Variants in TMEM62 observed in about 807,000 individuals in gnomAD.
TMEM62 encodes the protein transmembrane protein 62.
A neutral mutation model predicts 70.4 loss-of-function variants in TMEM62; 41 were observed. The observed-to-expected ratio is 0.58, with a 90% CI of 0.45 to 0.76. TMEM62 has a LOEUF of 0.76. Among genes scored for constraint, TMEM62 ranks in the 30% least tolerant of loss-of-function variants. TMEM62 has a pLI of 0.00. For missense variants in TMEM62, 688 were observed against 788.5 expected (o/e 0.87, Z 1.53); for synonymous variants, 268 against 291.0 (o/e 0.92, Z 0.80).
Position 43,161,853 on chromosome 15 carries a change from G to A in TMEM62, c.1296+1059G>A, listed in dbSNP as rs181756991. 4.0e-3 allele frequency among the ~76,000 whole-genome samples: 607 copies of A among 152,028 alleles called. 2 individuals carry two copies. Among genetic ancestry groups the A allele is most frequent in the African/African-American group, 0.014 (571 of 41,484 alleles). ...TTTTTTGTATTTTTTTAGTAGAGAC[G>A]GAGTTTCACTGTTGGCCAGGCTGGT... is the stretch of plus-strand genomic sequence containing the variant. On this transcript the variant is annotated intron_variant, in intron 10 of 13. Transcript: ENST00000260403.
At chr15:43,159,971 C>A (rs1377822552) in intron 9 of TMEM62, among the ~76,000 whole-genome samples, 1 of 151,848 alleles carries the variant, frequency 6.6e-6, no homozygotes, top group African/African-American at 2.4e-5. Context: ...AGGTTTTAAT[C>A]TCTTTTTTTG....
chr15:43,134,105 T>G, intron 1 of TMEM62, 123 bp downstream of exon 1: 1 of 1,425,610 alleles, frequency 7.0e-7, no homozygotes, highest in Non-Finnish European at 9.3e-7. Context: ...AACTCGAGGC[T>G]CTGTCTAGTG....
At chr15:43,140,117 G>C (rs1193244255) in intron 4 of TMEM62, among the ~76,000 whole-genome samples, 1 of 151,974 alleles carries the variant, frequency 6.6e-6, no homozygotes, top group Non-Finnish European at 1.5e-5. Context: ...AATTTATTTA[G>C]GGCCTCCTCT....
chr15:43,184,219 C>G, intron 13 of TMEM62, 41 bp from the exon 14 acceptor site: 1 of 1,554,340 alleles, frequency 6.4e-7, no homozygotes, highest in Non-Finnish European at 8.7e-7. Context: ...CCAAACTCTT[C>G]CAAGGACTTG....
chr15:43,178,808 C>A, intron 12 of TMEM62, 97 bp downstream of exon 12: 1 of 613,418 alleles, frequency 1.6e-6, no homozygotes, highest in Non-Finnish European at 2.7e-6. Flanking sequence ...ACAAATGGCT[C>A]ATGGATTCTT....
intron 11 of TMEM62, among the ~76,000 whole-genome samples, chr15:43,171,785 G>A (rs753145861): frequency 6.6e-6 from 1 of 151,504 alleles, no homozygotes; most frequent in East Asian, 1.9e-4. Flanking sequence ...CCACCACCAC[G>A]CCTGGCTAAT....
chr15:43,136,231 G>A lies in TMEM62; in HGVS notation c.430+582G>A. Among the ~76,000 whole-genome samples, 3 of 152,292 alleles carry A rather than the reference G, an allele frequency of 2.0e-5. No homozygotes were observed. In the South Asian group the frequency reaches 6.2e-4, roughly 32 times the overall value. ...AGAGAACAGATTGTAGTTACCAGAG[G>A]ATAGGGATTGGGAGAGAGATTAACT... is the stretch of plus-strand genomic sequence containing the variant. On this transcript the variant is annotated intron_variant, in intron 3 of 13. Transcript: ENST00000260403.
At chr15:43,162,592 C>T (rs1001190767) in intron 10 of TMEM62, among the ~76,000 whole-genome samples, 12 of 151,944 alleles carry the variant, frequency 7.9e-5, no homozygotes, top group Middle Eastern at 3.4e-3. Flanking sequence ...CCACCATGCC[C>T]GGCTAATTTT....
At chr15:43,162,385 C>CACCTCA in intron 10 of TMEM62, among the ~76,000 whole-genome samples, 1 of 149,646 alleles carries the variant, frequency 6.7e-6, no homozygotes, top group African/African-American at 2.5e-5. Flanking sequence ...GTGATCCACC[C>CACCTCA]GCCTCCCAAA....
chr15:43,175,694 C>T (rs1009272900), intron 11 of TMEM62, among the ~76,000 whole-genome samples: 1 of 152,186 alleles, frequency 6.6e-6, no homozygotes, highest in Non-Finnish European at 1.5e-5. Flanking sequence ...ATAGGGAAAG[C>T]GCTGGCAGCC....
chr15:43,154,580 G>A (rs879238044), intron 8 of TMEM62, 92 bp from the exon 9 acceptor site: 33 of 1,128,868 alleles, frequency 2.9e-5, no homozygotes, highest in South Asian at 1.3e-4. Flanking sequence ...CTGCCTATAC[G>A]TGTATATCTG....
chr15:43,164,361 A>G (rs1182333670), intron 10 of TMEM62, among the ~76,000 whole-genome samples: 1 of 152,132 alleles, frequency 6.6e-6, no homozygotes, highest in Non-Finnish European at 1.5e-5. Context: ...TTTATGTACC[A>G]CAATTACAGT....
chr15:43,133,830 GT>G lies in TMEM62; in HGVS notation c.29del (p.Val10AlafsTer57). 6.9e-7 allele frequency: 1 copy of G among 1,454,008 alleles called. No homozygotes were observed. Among genetic ancestry groups the G allele is most frequent in the South Asian group, 1.4e-5 (1 of 73,900 alleles). 90.1% of individuals were successfully genotyped at this position (1,454,008 alleles called of 1,614,324 possible). A position where few individuals can be genotyped will look rare whatever the true frequency, so the allele number is the denominator to read the frequency against. On this transcript the variant is annotated frameshift_variant, in exon 1 of 14. Transcript: ENST00000260403. LOFTEE classifies it high-confidence loss of function. ...GGCTGCAGTGCTGGCTCTCAGGGTG[GT>G]CGCGGGGTTGGCGGCCGCAGCGCTG... MAAVLALRVVAGLAAAALVA... is the reference protein window; with the variant it reads MAAVLALRVXAGLAAAALVA...
At chr15:43,167,617 A>G (rs1454124045) in intron 10 of TMEM62, among the ~76,000 whole-genome samples, 1 of 150,458 alleles carries the variant, frequency 6.6e-6, no homozygotes, top group Non-Finnish European at 1.5e-5. Context: ...GCGGCCAGGC[A>G]GAGACGCTCC....
intron 9 of TMEM62, among the ~76,000 whole-genome samples, chr15:43,158,138 T>C (rs2038274180): frequency 6.6e-6 from 1 of 152,206 alleles, no homozygotes; most frequent in Non-Finnish European, 1.5e-5. Flanking sequence ...TTAGGTTCTA[T>C]AATTGGTAGT....
At chr15:43,170,572 TA>T (rs138908189) in intron 11 of TMEM62, among the ~76,000 whole-genome samples, 9 of 151,290 alleles carry the variant, frequency 5.9e-5, no homozygotes, top group East Asian at 1.9e-4. Flanking sequence ...CCTAAGAAAT[TA>T]AAAAAAAACT....
At chr15:43,174,315 G>A (rs1015767266) in intron 11 of TMEM62, among the ~76,000 whole-genome samples, 1 of 152,220 alleles carries the variant, frequency 6.6e-6, no homozygotes, top group Admixed American at 6.5e-5. Context: ...AAGGACTGAT[G>A]ATAGAGAAGG....
At chr15:43,138,656 G>A in intron 4 of TMEM62, 37 bp downstream of exon 4, 1 of 1,514,928 alleles carries the variant, frequency 6.6e-7, no homozygotes, top group Non-Finnish European at 9.1e-7. Flanking sequence ...ACTATGTAGA[G>A]TCAGTGTTAT....
At chr15:43,176,781 TCTC>T (rs903977789) in intron 11 of TMEM62, among the ~76,000 whole-genome samples, 1 of 151,816 alleles carries the variant, frequency 6.6e-6, no homozygotes, top group African/African-American at 2.4e-5. Flanking sequence ...GCAGAGCGCC[TCTC>T]CTCCTCCAAA....
Sources: allele counts gnomAD v4.1 joint callset (sites outside exome capture counted in the v4.1 genomes callset), GRCh38; gene constraint gnomAD v4.1.1; transcripts MANE v1.5; gene names NCBI Gene and HGNC (gene_info 2026-07-23, HGNC 2026-07-21).